Variants in MDGA2 observed in about 807,000 individuals in gnomAD.
The protein encoded by MDGA2 is MAM domain containing glycosylphosphatidylinositol anchor 2.
In MDGA2, 40 loss-of-function variants were observed where a neutral mutation model predicts 117.8. The observed-to-expected ratio is 0.34, with a 90% CI of 0.26 to 0.44. The LOEUF (loss-of-function observed/expected upper bound fraction) is 0.44. MDGA2 is among the 20% of genes least tolerant of loss of function. MDGA2 has a pLI of 1.00. For synonymous variants in MDGA2, 452 were observed against 439.0 expected (o/e 1.03, Z -0.37); for missense variants, 1,123 against 1,250.6 (o/e 0.90, Z 1.54).
At chr14:47,104,311 C>A (rs1419220149) in intron 5 of MDGA2, among the ~76,000 whole-genome samples, 1 of 151,238 alleles carries the variant, frequency 6.6e-6, no homozygotes, top group Admixed American at 6.6e-5. Flanking sequence ...CTTGCCCCAC[C>A]TTAACTGATG....
intron 6 of MDGA2, among the ~76,000 whole-genome samples, chr14:47,068,118 T>G (rs1890149615): frequency 6.6e-6 from 1 of 152,108 alleles, no homozygotes; most frequent in African/African-American, 2.4e-5. Flanking sequence ...AAGGCTCTAT[T>G]TATTTTGTGA....
chr14:47,152,915 G>C (rs1477643385), intron 3 of MDGA2, among the ~76,000 whole-genome samples: 1 of 151,926 alleles, frequency 6.6e-6, no homozygotes. Context: ...TATTCAACAG[G>C]GGCCAAAATT....
chr14:47,293,373 A>G (rs1200850361), intron 2 of MDGA2, among the ~76,000 whole-genome samples: 1 of 152,182 alleles, frequency 6.6e-6, no homozygotes, highest in Admixed American at 6.6e-5. Flanking sequence ...GTCATGGAAG[A>G]GTACTTTATT....
intron 3 of MDGA2, among the ~76,000 whole-genome samples, chr14:47,145,321 A>G (rs866920811): frequency 3.3e-5 from 5 of 152,178 alleles, no homozygotes; most frequent in Admixed American, 6.5e-5. Flanking sequence ...GTGTGAAAGC[A>G]GCAAAACACA....
chr14:47,170,497 C>T (rs531389793), intron 3 of MDGA2, among the ~76,000 whole-genome samples: 2 of 152,190 alleles, frequency 1.3e-5, no homozygotes, highest in South Asian at 2.1e-4. Context: ...AACTACTCAC[C>T]TGCTAGTTTC....
chr14:47,241,248 G>C (rs900654437), intron 2 of MDGA2, among the ~76,000 whole-genome samples: 1 of 151,842 alleles, frequency 6.6e-6, no homozygotes, highest in Non-Finnish European at 1.5e-5. Flanking sequence ...TAATCCTAAC[G>C]AAAGCTAAGT....
intron 1 of MDGA2, among the ~76,000 whole-genome samples, chr14:47,672,267 C>G (rs1898088317): frequency 6.6e-6 from 1 of 152,122 alleles, no homozygotes; most frequent in Non-Finnish European, 1.5e-5. Flanking sequence ...AATTCTATTC[C>G]TGGCTACATG....
Position 47,301,521 on chromosome 14 carries a change from C to T in MDGA2, c.310G>A (p.Gly104Ser). The change falls in exon 2 of 17, where the codon GGC (glycine) becomes AGC (serine). Residue 104 changes from glycine (G) to serine (S), a missense_variant. Transcript: ENST00000399232. ...APPTVRIVHS[G>S]LACNIEEERY... ...TCCTCTTCAATGTTACAGGCCAAGC[C>T]TGAGTGCACAATACGAACCGTGGGA... 6.4e-7 allele frequency: 1 copy of T among 1,551,684 alleles called. No homozygotes were observed. Among genetic ancestry groups the T allele is most frequent in the South Asian group, 1.2e-5 (1 of 84,062 alleles).
chr14:47,280,314 CAAAAAAAAAA>C (rs1196509408), intron 2 of MDGA2, among the ~76,000 whole-genome samples: 886 of 35,826 alleles, frequency 0.025, 17 homozygotes, highest in African/African-American at 0.1. Context: ...AACTCCATCT[CAAAAAAAAAA>C]AAAAAAAAAA....
chr14:47,340,590 C>A (rs1890592467), intron 1 of MDGA2, among the ~76,000 whole-genome samples: 1 of 152,092 alleles, frequency 6.6e-6, no homozygotes, highest in Non-Finnish European at 1.5e-5. Flanking sequence ...ACCAAACCAA[C>A]AATTCATTTC....
chr14:47,494,591 A>G (rs1894239781), intron 1 of MDGA2, among the ~76,000 whole-genome samples: 1 of 152,042 alleles, frequency 6.6e-6, no homozygotes, highest in Admixed American at 6.6e-5. Flanking sequence ...GCCATAAATT[A>G]TTTGTCTAGA....
chr14:47,647,585 C>T (rs1345483793), intron 1 of MDGA2, among the ~76,000 whole-genome samples: 6 of 152,090 alleles, frequency 3.9e-5, no homozygotes, highest in African/African-American at 1.4e-4. Context: ...TACTGATCTC[C>T]TCTTATAGAA....
rs539646335 is a variant in MDGA2 at position 47,322,520 on chromosome 14, C to A, written c.281-20970G>T. Among the ~76,000 whole-genome samples the A allele has an allele frequency of 1.4e-3, 208 of 152,242 alleles. 1 individual carries two copies. The highest frequency in any genetic ancestry group is 4.9e-3 in the African/African-American group (203 of 41,542). On this transcript the variant is annotated intron_variant, in intron 1 of 16. Coordinates refer to ENST00000399232, the MANE Select transcript of MDGA2 (RefSeq NM_001113498.3). ...ACTCAAACAATCTGACGAGGAGATA[C>A]AGACCCTGGAAGAACAGAGCTCAAT...
chr14:46,988,141 A>G (rs1886936379), intron 8 of MDGA2, among the ~76,000 whole-genome samples: 1 of 151,938 alleles, frequency 6.6e-6, no homozygotes, highest in Non-Finnish European at 1.5e-5. Flanking sequence ...ATGTATGAGA[A>G]GGGTTGTATT....
At chr14:47,092,222 T>C (rs1395578382) in intron 6 of MDGA2, among the ~76,000 whole-genome samples, 4 of 152,126 alleles carry the variant, frequency 2.6e-5, no homozygotes, top group African/African-American at 9.7e-5. Flanking sequence ...ATTTTGAAGA[T>C]AGAACCAGAA....
At chr14:47,102,217 T>C (rs890869471) in intron 5 of MDGA2, among the ~76,000 whole-genome samples, 7 of 152,122 alleles carry the variant, frequency 4.6e-5, no homozygotes, top group African/African-American at 1.7e-4. Context: ...AGCAACTTAG[T>C]ATAAAGCAGT....
intron 10 of MDGA2, among the ~76,000 whole-genome samples, chr14:46,914,534 A>C (rs1222986631): frequency 3.3e-5 from 5 of 152,116 alleles, no homozygotes; most frequent in African/African-American, 1.2e-4. Context: ...ATCAAATTTA[A>C]GTACAGACCA....
chr14:47,510,088 A>G (rs1175134147), intron 1 of MDGA2, among the ~76,000 whole-genome samples: 1 of 152,136 alleles, frequency 6.6e-6, no homozygotes, highest in African/African-American at 2.4e-5. Context: ...TGTGATGGTA[A>G]CAGGAGGTGG....
At chr14:46,895,120 T>G (rs1219499167) in intron 10 of MDGA2, among the ~76,000 whole-genome samples, 4 of 152,162 alleles carry the variant, frequency 2.6e-5, no homozygotes, top group African/African-American at 9.7e-5. Flanking sequence ...CTGATATGGT[T>G]TGGCTGTGTC....
Sources: gnomAD v4.1 joint callset for allele counts (sites outside exome capture counted in the v4.1 genomes callset) on GRCh38, gnomAD v4.1.1 for gene constraint, MANE v1.5 for transcripts, NCBI Gene and HGNC (gene_info 2026-07-23, HGNC 2026-07-21) for gene names.